The following CPE variants were observed in gnomAD, a reference collection of about 807,000 sequenced individuals.
The protein encoded by CPE is carboxypeptidase E, also known as carbocypeptidase E.
A neutral mutation model predicts 53.5 loss-of-function variants in CPE; 17 were observed. The observed-to-expected ratio is 0.32, with a 90% confidence interval of 0.22 to 0.48. The LOEUF (loss-of-function observed/expected upper bound fraction) is 0.48, where lower values mean the gene tolerates loss of function less well. Among genes scored for constraint, CPE ranks in the 20% least tolerant of loss-of-function variants. The pLI is 0.99. For missense variants in CPE, 524 were observed against 614.7 expected (o/e 0.85, Z 1.56); for synonymous variants, 226 against 228.8 (o/e 0.99, Z 0.11).
At chr4:165,410,952 G>T (rs766294335) in intron 1 of CPE, among the ~76,000 whole-genome samples, 2 of 152,102 alleles carry the variant, frequency 1.3e-5, no homozygotes, top group African/African-American at 4.8e-5. Flanking sequence ...GACGTCAAAG[G>T]TAATTTCATG....
intron 1 of CPE, among the ~76,000 whole-genome samples, chr4:165,381,737 T>C (rs890316402): frequency 4.6e-5 from 7 of 152,358 alleles, no homozygotes; most frequent in African/African-American, 1.4e-4. Flanking sequence ...CTAGTAAATA[T>C]AGAGATCTGA....
intron 1 of CPE, among the ~76,000 whole-genome samples, chr4:165,450,948 C>T (rs1349707395): frequency 4.6e-5 from 7 of 152,110 alleles, no homozygotes; most frequent in Admixed American, 4.6e-4. Flanking sequence ...CTCTTTCTTT[C>T]CCCCACTCTT....
rs967975095 is a variant in CPE, at chr4:165,405,592, C to G, written c.307+26064C>G. ...ATTTTTCCACTAATCCCTTGTCTCT[C>G]TTTGGAGAGATCTTCTTATCAGCTA... On this transcript the variant is annotated intron_variant, in intron 1 of 8. Coordinates refer to ENST00000402744, the MANE Select transcript of CPE (RefSeq NM_001873.4). The G allele has an allele frequency of 1.4e-5, 11 of 805,220 alleles. No individual in the cohort carries two copies. The African/African-American group carries it at 1.9e-4, about 14-fold the overall frequency. The allele number at this position is 805,220 out of a possible 1,614,324, so 49.9% of individuals were successfully genotyped here.
chr4:165,385,522 C>T (rs1730577742), intron 1 of CPE, among the ~76,000 whole-genome samples: 1 of 138,030 alleles, frequency 7.2e-6, no homozygotes, highest in East Asian at 2.1e-4. Flanking sequence ...TGGCTCATTG[C>T]AGCCTTGAAC....
intron 3 of CPE, among the ~76,000 whole-genome samples, chr4:165,481,669 A>C (rs1409142685): frequency 6.6e-6 from 1 of 152,230 alleles, no homozygotes; most frequent in Non-Finnish European, 1.5e-5. Context: ...TTAAAATTTA[A>C]GATGACCATT....
intron 1 of CPE, among the ~76,000 whole-genome samples, chr4:165,392,216 AGTATATATACTAATATATAGT>A (rs1482070398): frequency 6.8e-6 from 1 of 147,218 alleles, no homozygotes; most frequent in Non-Finnish European, 1.5e-5. Context: ...TATGTATACT[AGTATATATACTAATATATAGT>A]GTATATATAG....
At chr4:165,395,453 A>G (rs895138006) in intron 1 of CPE, among the ~76,000 whole-genome samples, 2 of 152,196 alleles carry the variant, frequency 1.3e-5, no homozygotes, top group African/African-American at 2.4e-5. Flanking sequence ...CCAAGGGTCA[A>G]TGCACAGTAC....
chr4:165,391,408 G>A (rs1224489296), intron 1 of CPE, among the ~76,000 whole-genome samples: 1 of 152,042 alleles, frequency 6.6e-6, no homozygotes, highest in Non-Finnish European at 1.5e-5. Flanking sequence ...TCTCATTCAT[G>A]GAACATATTT....
At chr4:165,385,443 CTT>C (rs70955613) in intron 1 of CPE, among the ~76,000 whole-genome samples, 11 of 106,986 alleles carry the variant, frequency 1.0e-4, no homozygotes, top group Non-Finnish European at 1.2e-4. Flanking sequence ...CAAATGTTTG[CTT>C]TTTTTTTTTT....
Position 165,463,414 on chromosome 4 carries a change from G to A in CPE, c.308-976G>A, listed in dbSNP as rs143298770. 1.6e-3 allele frequency among the ~76,000 whole-genome samples: 240 copies of A among 152,062 alleles called. 1 individual carries two copies. Among genetic ancestry groups the A allele is most frequent in the Middle Eastern group, 3.4e-3 (1 of 294 alleles). On this transcript the variant is annotated intron_variant, in intron 1 of 8. Coordinates refer to ENST00000402744, the MANE Select transcript of CPE (RefSeq NM_001873.4). The stretch of plus-strand genomic sequence containing the variant: ...TATTTAGTTCTTATAATAACCTTCC[G>A]TATGGGCTAGAATCTATTGTTATCT...
intron 1 of CPE, among the ~76,000 whole-genome samples, chr4:165,401,983 A>G (rs964463646): frequency 9.2e-5 from 14 of 152,246 alleles, no homozygotes; most frequent in Non-Finnish European, 1.5e-5. Flanking sequence ...TGTGGTGACA[A>G]TGGAATGAAG....
intron 1 of CPE, among the ~76,000 whole-genome samples, chr4:165,389,500 A>G (rs1730646891): frequency 6.6e-6 from 1 of 152,144 alleles, no homozygotes; most frequent in African/African-American, 2.4e-5. Context: ...CAGTTGGGCT[A>G]ACTTTGCCTT....
intron 4 of CPE, 25 bp from the exon 5 acceptor site, chr4:165,484,397 T>C: frequency 6.2e-7 from 1 of 1,606,904 alleles, no homozygotes; most frequent in Non-Finnish European, 8.5e-7. Context: ...GTCTGTTTCT[T>C]TAATCTTGTG....
At chr4:165,481,016 A>ATATATATATATATATATTT (rs1491161430) in intron 3 of CPE, among the ~76,000 whole-genome samples, 1 of 111,040 alleles carries the variant, frequency 9.0e-6, no homozygotes, top group African/African-American at 3.4e-5. Context: ...ATATATATAT[A>ATATATATATATATATATTT]TTTTTTTTTT....
At chr4:165,460,095 A>C (rs913005745) in intron 1 of CPE, among the ~76,000 whole-genome samples, 109 of 152,206 alleles carry the variant, frequency 7.2e-4, no homozygotes, top group African/African-American at 2.3e-3. Flanking sequence ...AGCCGGATCC[A>C]CATACCTGGC....
chr4:165,482,295 G>T lies in CPE; in HGVS notation c.726G>T (p.Val242=). The T allele has an allele frequency of 6.2e-7, 1 of 1,613,946 alleles. No individual in the cohort carries two copies. The highest frequency in any genetic ancestry group is 8.5e-7 in the Non-Finnish European group (1 of 1,179,916). The change falls in exon 4 of 9, where the codon GTG becomes GTT. Residue 242 remains valine (V), a synonymous_variant. Transcript: ENST00000402744. ...VIHWIMDIPF[V]LSANLHGGDL... is the part of the protein sequence containing the mutation. ...ATTGGATTATGGATATTCCTTTTGT[G>T]CTTTCTGCCAATCTCCATGGAGGAG... is the stretch of plus-strand genomic sequence containing the variant.
At chr4:165,489,986 G>T (rs1732572840) in intron 6 of CPE, among the ~76,000 whole-genome samples, 1 of 152,180 alleles carries the variant, frequency 6.6e-6, no homozygotes, top group Non-Finnish European at 1.5e-5. Context: ...CATCTAGCTT[G>T]CATCATAGAA....
rs1730460019 is a variant in CPE at position 165,379,229 on chromosome 4, G to A, written c.8G>A (p.Gly3Glu). The A allele has an allele frequency of 1.6e-6, 2 of 1,238,060 alleles. No individual in the cohort carries two copies. Among genetic ancestry groups the A allele is most frequent in the Non-Finnish European group, 2.0e-6 (2 of 994,194 alleles). The allele number at this position is 1,238,060 out of a possible 1,614,324, so 76.7% of individuals were successfully genotyped here. A position where few individuals can be genotyped will look rare whatever the true frequency, so the allele number is the denominator to read the frequency against. The change falls in exon 1 of 9, where the codon GGG becomes GAG. Residue 3 changes from glycine (G) to glutamate (E), a missense_variant. Transcript: ENST00000402744. This position sits in a 1 kb window ranked among gnomAD's most constrained non-coding sequence, Gnocchi z 6.0. MA[G>E]RGGSALLALC... Reference sequence around the variant, plus strand: ...CGGCGGCGGAGCGCAGCGATGGCCGGGCGAGGGGGCAGCGCGCTGCTGGCT... The same window carrying A: ...CGGCGGCGGAGCGCAGCGATGGCCGAGCGAGGGGGCAGCGCGCTGCTGGCT...
rs1464527980 is a variant in CPE, at chr4:165,422,498, T to C, written c.308-41892T>C. Among the ~76,000 whole-genome samples, 3 of 152,176 alleles carry C rather than the reference T, an allele frequency of 2.0e-5. No homozygotes were observed. The East Asian group carries it at 5.8e-4, about 29-fold the overall frequency. On this transcript the variant is annotated intron_variant, in intron 1 of 8. Coordinates refer to ENST00000402744, the MANE Select transcript of CPE (RefSeq NM_001873.4). ...CTTTTTATATTTAGCAATCTCATTA[T>C]TGCTATTGCAAACCAGAGTATCTGA... is the stretch of plus-strand genomic sequence containing the variant.
Sources: allele counts gnomAD v4.1 joint callset (sites outside exome capture counted in the v4.1 genomes callset), GRCh38; gene constraint gnomAD v4.1.1; non-coding constraint Gnocchi (gnomAD v3.1); transcripts MANE v1.5; gene names NCBI Gene and HGNC (gene_info 2026-07-23, HGNC 2026-07-21).